Variants in STPG4 observed in about 807,000 individuals in gnomAD.
STPG4 encodes the protein sperm-tail PG-rich repeat containing 4, also known as protein STPG4.
Under a neutral mutation model 31.5 loss-of-function variants are expected in STPG4, and 41 were observed. That is an observed-to-expected ratio of 1.30 (90% CI 1.01 to 1.69). The LOEUF (loss-of-function observed/expected upper bound fraction) is 1.69. Among genes scored for constraint, STPG4 ranks in the 40% most tolerant of loss-of-function variants. The pLI, the probability that STPG4 is intolerant of heterozygous loss-of-function variation, is 0.00. For synonymous variants in STPG4, 141 were observed against 103.0 expected (o/e 1.37, Z -2.24); for missense variants, 375 against 293.4 (o/e 1.28, Z -2.03).
chr2:47,155,232 G>A lies in STPG4; in HGVS notation c.20C>T (p.Ala7Val). The change falls in exon 1 of 7, where the codon GCC (alanine) becomes GTC (valine). Residue 7 changes from alanine (A) to valine (V), a missense_variant. Physicochemically the swap from Ala to Val is moderately conservative, Grantham distance 64. Coordinates refer to ENST00000445927, the MANE Select transcript of STPG4 (RefSeq NM_001163561.2). MDQPAVATASTSIREDL... is the reference protein window; with the variant it reads MDQPAVVTASTSIREDL... ...TTCCCTTATTGAGGTGGAAGCGGTG[G>A]CGACGGCTGGCTGGTCCATGGTGGC... is the stretch of plus-strand genomic sequence containing the variant. The A allele has an allele frequency of 6.2e-7, 1 of 1,614,172 alleles. No individual in the cohort carries two copies. The highest frequency in any genetic ancestry group is 8.5e-7 in the Non-Finnish European group (1 of 1,180,026).
chr2:47,096,824 G>A (rs1162019424), intron 5 of STPG4, among the ~76,000 whole-genome samples: 3 of 152,174 alleles, frequency 2.0e-5, no homozygotes, highest in Middle Eastern at 3.2e-3. Flanking sequence ...CAAAAATCTA[G>A]TGAAAATCCC....
At chr2:47,124,552 C>T (rs1371810075) in intron 5 of STPG4, among the ~76,000 whole-genome samples, 1 of 152,142 alleles carries the variant, frequency 6.6e-6, no homozygotes, top group Non-Finnish European at 1.5e-5. Flanking sequence ...TGGCTTATTT[C>T]ACTTAACATA....
At chr2:47,137,728 T>C (rs35113955) in intron 3 of STPG4, among the ~76,000 whole-genome samples, 3,554 of 152,314 alleles carry the variant, frequency 0.023, 55 homozygotes, top group African/African-American at 0.038. Context: ...AGTAATTGGT[T>C]CATTTTATCT....
At chr2:47,148,211 T>C (rs1443109998) in intron 3 of STPG4, among the ~76,000 whole-genome samples, 1 of 152,086 alleles carries the variant, frequency 6.6e-6, no homozygotes, top group Non-Finnish European at 1.5e-5. Context: ...CCTCCCAAAG[T>C]GCTGGGATTA....
chr2:47,121,355 T>C (rs1686269287), intron 5 of STPG4, among the ~76,000 whole-genome samples: 1 of 152,030 alleles, frequency 6.6e-6, no homozygotes, highest in Non-Finnish European at 1.5e-5. Context: ...TAAGTGAACT[T>C]CTACACACTG....
chr2:47,102,503 G>A (rs1375386218), intron 5 of STPG4, among the ~76,000 whole-genome samples: 1 of 151,836 alleles, frequency 6.6e-6, no homozygotes, highest in Non-Finnish European at 1.5e-5. Context: ...GACCTTTTCT[G>A]TAAGAGGCAA....
chr2:47,148,365 A>ATT (rs1686868959), intron 3 of STPG4, among the ~76,000 whole-genome samples: 1 of 152,006 alleles, frequency 6.6e-6, no homozygotes, highest in Non-Finnish European at 1.5e-5. Context: ...CGTACCCCAA[A>ATT]CCTCAGCATC....
intron 5 of STPG4, among the ~76,000 whole-genome samples, chr2:47,112,301 G>A (rs1361348779): frequency 6.6e-6 from 1 of 151,928 alleles, no homozygotes; most frequent in East Asian, 1.9e-4. Context: ...CAAGTAGCTG[G>A]GATTACAGGT....
At chr2:47,148,886 T>C (rs977540267) in intron 3 of STPG4, among the ~76,000 whole-genome samples, 1 of 152,214 alleles carries the variant, frequency 6.6e-6, no homozygotes, top group Non-Finnish European at 1.5e-5. Flanking sequence ...CTGCATAGTA[T>C]TCCTGAAAAC....
At chr2:47,111,272 C>G (rs558008976) in intron 5 of STPG4, among the ~76,000 whole-genome samples, 2 of 152,220 alleles carry the variant, frequency 1.3e-5, no homozygotes, top group African/African-American at 4.8e-5. Context: ...CTTCTTTATT[C>G]TAATGGGATT....
chr2:47,130,881 C>A (rs749937273), intron 3 of STPG4, among the ~76,000 whole-genome samples: 2 of 151,992 alleles, frequency 1.3e-5, no homozygotes, highest in Non-Finnish European at 2.9e-5. Flanking sequence ...ATGGCATGAA[C>A]ATAATTCACT....
intron 5 of STPG4, chr2:47,129,345 A>ATTG (rs1686426236): frequency 6.5e-6 from 1 of 153,236 alleles, no homozygotes; most frequent in Non-Finnish European, 1.5e-5. Context: ...CCAGCAGAGC[A>ATTG]CCTGAACTTG....
At chr2:47,139,475 T>C (rs1049917639) in intron 3 of STPG4, among the ~76,000 whole-genome samples, 1 of 151,908 alleles carries the variant, frequency 6.6e-6, no homozygotes, top group African/African-American at 2.4e-5. Context: ...ATAATCATGG[T>C]AGACACCTTA....
chr2:47,131,989 A>G (rs2103782715), intron 3 of STPG4, among the ~76,000 whole-genome samples: 1 of 152,202 alleles, frequency 6.6e-6, no homozygotes, highest in Non-Finnish European at 1.5e-5. Flanking sequence ...ACATGGCAAA[A>G]CCCTGTCTCT....
chr2:47,134,779 A>G (rs1179710581), intron 3 of STPG4, among the ~76,000 whole-genome samples: 3 of 152,228 alleles, frequency 2.0e-5, no homozygotes, highest in African/African-American at 7.2e-5. Context: ...AAAAACGGCC[A>G]AACTGTCTTC....
chr2:47,097,343 G>A (rs1685694146), intron 5 of STPG4, among the ~76,000 whole-genome samples: 1 of 152,090 alleles, frequency 6.6e-6, no homozygotes, highest in African/African-American at 2.4e-5. Flanking sequence ...CTATTTCCCA[G>A]GTGAAGAATC....
intron 5 of STPG4, among the ~76,000 whole-genome samples, chr2:47,113,618 A>C (rs975057101): frequency 9.2e-5 from 14 of 152,370 alleles, no homozygotes; most frequent in Middle Eastern, 6.8e-3. Flanking sequence ...AAATAACGAT[A>C]AACAAGACAT....
intron 2 of STPG4, among the ~76,000 whole-genome samples, chr2:47,151,919 G>GTTTTTTTTT (rs71245620): frequency 1.1e-4 from 8 of 74,772 alleles, no homozygotes; most frequent in East Asian, 1.1e-3. Context: ...TTTTTGTTTT[G>GTTTTTTTTT]TTTTTTTTTT....
At chr2:47,108,299 T>C (rs1685966364) in intron 5 of STPG4, 1 of 151,936 alleles carries the variant, frequency 6.6e-6, no homozygotes, top group African/African-American at 2.4e-5. Flanking sequence ...TTCCACACTG[T>C]GGAAGCTTTG....
Sources: gnomAD v4.1 joint callset for allele counts (sites outside exome capture counted in the v4.1 genomes callset) on GRCh38, gnomAD v4.1.1 for gene constraint, MANE v1.5 for transcripts, NCBI Gene and HGNC (gene_info 2026-07-23, HGNC 2026-07-21) for gene names.